Variants in RPS6KC1 observed in about 807,000 individuals in gnomAD.
RPS6KC1 encodes inactive ribosomal protein S6 kinase delta-1.
RPS6KC1 carries 54 observed loss-of-function variants against 103.8 expected under a neutral mutation model. The ratio of observed to expected loss-of-function variants is 0.52; its 90% confidence interval spans 0.42 to 0.65. The LOEUF is 0.65. RPS6KC1 is among the 30% of genes least tolerant of loss of function. The pLI is 0.00. For synonymous variants in RPS6KC1, 439 were observed against 438.7 expected, an observed-to-expected ratio of 1.00 and a Z score of -0.01; for missense variants, 1,151 against 1,253.8, an observed-to-expected ratio of 0.92 and a Z score of 1.24.
intron 7 of RPS6KC1, among the ~76,000 whole-genome samples, chr1:213,170,095 G>A (rs1217552451): frequency 2.6e-5 from 4 of 152,106 alleles, no homozygotes; most frequent in Non-Finnish European, 5.9e-5. Context: ...TATTCTAAAA[G>A]TTTTAGGGAT....
the RPS6KC1 span, among the ~76,000 whole-genome samples, chr1:213,319,650 T>C: frequency 6.6e-6 from 1 of 152,220 alleles, no homozygotes; most frequent in Non-Finnish European, 1.5e-5. Flanking sequence ...TTTCAGTTCA[T>C]AATAACTGAA....
At chr1:213,326,612 A>T in the RPS6KC1 span, among the ~76,000 whole-genome samples, 2 of 152,136 alleles carry the variant, frequency 1.3e-5, no homozygotes, top group African/African-American at 4.8e-5. Context: ...CCTCTTCAGG[A>T]TTTTCAGCAA....
Position 213,232,202 on chromosome 1 carries a change from A to C in RPS6KC1, c.1172A>C (p.His391Pro), listed in dbSNP as rs1265696912. The C allele has an allele frequency of 6.2e-7, 1 of 1,614,056 alleles. No individual in the cohort carries two copies. ...PRCVPNMVCL[H>P]KYIISEESVF... ...TGTGTGCCCAACATGGTGTGTCTGC[A>C]TAAGTACATCATCTCTGAGGAGTCA... Residue 391 changes from histidine to proline, a missense_variant, in exon 10 of 15, where the codon CAT becomes CCT. Around this residue, in one of 3 missense-constraint regions of RPS6KC1, gnomAD observed 959 missense variants for 1,006.3 expected, o/e 0.95. Coordinates refer to ENST00000366960, the MANE Select transcript of RPS6KC1 (RefSeq NM_012424.6).
At chr1:213,721,790 C>T in the RPS6KC1 span, among the ~76,000 whole-genome samples, 1 of 152,182 alleles carries the variant, frequency 6.6e-6, no homozygotes, top group Non-Finnish European at 1.5e-5. Flanking sequence ...TAGTTTGCTT[C>T]TAAATCCATG....
chr1:213,521,383 G>A, the RPS6KC1 span, among the ~76,000 whole-genome samples: 19 of 152,200 alleles, frequency 1.2e-4, no homozygotes, highest in African/African-American at 3.1e-4. Flanking sequence ...TAAGCCTTCC[G>A]TGAGTCAATC....
At chr1:213,095,960 G>A (rs1558307197) in intron 3 of RPS6KC1, among the ~76,000 whole-genome samples, 1 of 152,176 alleles carries the variant, frequency 6.6e-6, no homozygotes, top group Non-Finnish European at 1.5e-5. Flanking sequence ...ATAAGACAAC[G>A]ATGAGATTTG....
At chr1:213,740,614 T>TATATATATCTCAGATATATATACACATAC in the RPS6KC1 span, among the ~76,000 whole-genome samples, 1 of 151,288 alleles carries the variant, frequency 6.6e-6, no homozygotes, top group East Asian at 1.9e-4. Context: ...TATATATACA[T>TATATATATCTCAGATATATATACACATAC]ATATATATCT....
the RPS6KC1 span, among the ~76,000 whole-genome samples, chr1:213,677,035 C>G: frequency 6.6e-6 from 1 of 152,210 alleles, no homozygotes; most frequent in East Asian, 1.9e-4. Flanking sequence ...AATTGGCATG[C>G]CCAGGATCCT....
the RPS6KC1 span, among the ~76,000 whole-genome samples, chr1:213,398,704 TA>T: frequency 6.6e-6 from 1 of 152,336 alleles, no homozygotes; most frequent in South Asian, 2.1e-4. Context: ...AAAATGCACC[TA>T]TTAGGCATCA....
downstream of RPS6KC1, among the ~76,000 whole-genome samples, chr1:213,279,498 G>A (rs780773700): frequency 2.0e-5 from 3 of 152,122 alleles, no homozygotes; most frequent in Non-Finnish European, 4.4e-5. Context: ...TCACTATTCA[G>A]AGCTTAAAAC....
chr1:213,707,987 G>C, the RPS6KC1 span, among the ~76,000 whole-genome samples: 1 of 151,964 alleles, frequency 6.6e-6, no homozygotes. Flanking sequence ...ATGCCTCCAA[G>C]TTTGCTCTTT....
chr1:213,104,542 T>C lies in RPS6KC1; in HGVS notation c.351T>C (p.Asn117=), dbSNP rs775487527. 1 of 1,604,362 alleles carries C rather than the reference T, an allele frequency of 6.2e-7. No individual in the cohort carries two copies. Among genetic ancestry groups the C allele is most frequent in the South Asian group, 1.1e-5 (1 of 89,976 alleles). The part of the protein sequence containing the change: ...QFSANIPALY[N]SKQLEDFFKG... ...CTGCCAATATTCCTGCTCTTTACAA[T>C]AGTAAACAGCTTGAAGACTTTTTCA... The change falls in exon 4 of 15, where the codon AAT becomes AAC. Residue 117 remains asparagine (N), a synonymous_variant. Transcript: ENST00000366960.
At chr1:213,238,720 CT>C (rs2148920091) in intron 10 of RPS6KC1, among the ~76,000 whole-genome samples, 1 of 152,276 alleles carries the variant, frequency 6.6e-6, no homozygotes, top group Admixed American at 6.5e-5. Context: ...GGTACCATTT[CT>C]TGCTGGTCAG....
At chr1:213,744,890 TG>T in the RPS6KC1 span, among the ~76,000 whole-genome samples, 3 of 152,214 alleles carry the variant, frequency 2.0e-5, no homozygotes, top group Admixed American at 6.5e-5. Flanking sequence ...CTCAGCTGCC[TG>T]GGGGGAACAG....
intron 8 of RPS6KC1, among the ~76,000 whole-genome samples, chr1:213,204,420 T>C (rs945564343): frequency 1.5e-4 from 23 of 152,314 alleles, no homozygotes; most frequent in African/African-American, 5.5e-4. Flanking sequence ...GATAACTTTT[T>C]GTATCCTTTA....
the RPS6KC1 span, among the ~76,000 whole-genome samples, chr1:213,728,730 G>A: frequency 6.6e-6 from 1 of 152,176 alleles, no homozygotes; most frequent in African/African-American, 2.4e-5. Flanking sequence ...GGTGGGAGGA[G>A]GGGGGATGGC....
chr1:213,835,356 G>A, the RPS6KC1 span, among the ~76,000 whole-genome samples: 5 of 152,154 alleles, frequency 3.3e-5, no homozygotes, highest in East Asian at 1.9e-4. Flanking sequence ...TTCTTGAATC[G>A]GTAACAGAGG....
At chr1:213,154,165 C>T (rs946463985) in intron 6 of RPS6KC1, among the ~76,000 whole-genome samples, 1 of 118,088 alleles carries the variant, frequency 8.5e-6, no homozygotes, top group African/African-American at 3.4e-5. Flanking sequence ...AGTGACACCC[C>T]TGGGGCCACC....
the RPS6KC1 span, among the ~76,000 whole-genome samples, chr1:213,844,451 A>C: frequency 6.6e-6 from 1 of 152,208 alleles, no homozygotes; most frequent in Non-Finnish European, 1.5e-5. Context: ...ATTCCACTTT[A>C]TTCTTATTAT....
Sources: allele counts gnomAD v4.1 joint callset (sites outside exome capture counted in the v4.1 genomes callset), GRCh38; gene constraint gnomAD v4.1.1; regional missense constraint gnomAD v4.1.1; transcripts MANE v1.5; gene names NCBI Gene and HGNC (gene_info 2026-07-23, HGNC 2026-07-21).